Variants in FCRL2 observed in about 807,000 individuals in gnomAD.
The protein encoded by FCRL2 is Fc receptor-like protein 2.
Under a neutral mutation model 59.8 loss-of-function variants are expected in FCRL2, and 48 were observed. That is an observed-to-expected ratio of 0.80 (90% CI 0.64 to 1.02). The LOEUF (loss-of-function observed/expected upper bound fraction) is 1.02, where lower values mean the gene tolerates loss of function less well. Ranked by LOEUF, FCRL2 falls within the 50% of genes least tolerant of loss-of-function variation. The pLI is 0.00. For missense variants in FCRL2, 658 were observed against 597.3 expected, an observed-to-expected ratio of 1.10 and a Z score of -1.06; for synonymous variants, 251 against 229.5, an observed-to-expected ratio of 1.09 and a Z score of -0.85.
In FCRL2 at chr1:157,769,931, C is replaced by T. The variant is rs1649859412; in HGVS notation, c.530G>A (p.Cys177Tyr). Residue 177 changes from cysteine (C) to tyrosine (Y), a missense_variant, in exon 4 of 12, where the codon TGC becomes TAC. Coordinates refer to ENST00000361516, the MANE Select transcript of FCRL2 (RefSeq NM_030764.4). ...CCTGTGAGTCACCGTTTCTGCCTTG[C>T]ACCAGTAAGACCCTGTGTCTTCACT... Reference protein sequence around the residue: ...VWSEDTGSYWCKAETVTHRIR... With the variant: ...VWSEDTGSYWYKAETVTHRIR... The T allele has an allele frequency of 6.2e-7, 1 of 1,614,078 alleles. No homozygotes were observed. The highest frequency in any genetic ancestry group is 1.7e-5 in the Admixed American group (1 of 60,012).
intron 7 of FCRL2, among the ~76,000 whole-genome samples, chr1:157,760,647 G>GA (rs1305582130): frequency 1.5e-5 from 2 of 131,548 alleles, no homozygotes; most frequent in African/African-American, 6.3e-5. Context: ...AGAAAAGAAA[G>GA]AAAGAAAGAA....
At chr1:157,748,701 T>G (rs1395743308) in intron 9 of FCRL2, 83 bp from the exon 10 acceptor site, 3 of 1,284,074 alleles carry the variant, frequency 2.3e-6, no homozygotes, top group Non-Finnish European at 3.4e-6. Flanking sequence ...CCTGGCTTAA[T>G]GATTATATCC....
At chr1:157,763,589 T>G (rs12086811) in intron 7 of FCRL2, among the ~76,000 whole-genome samples, 33,506 of 152,126 alleles carry the variant, frequency 0.22, 3,784 homozygotes, top group Non-Finnish European at 0.24. Flanking sequence ...TTAAAAATGT[T>G]GCCCAACTCT....
In FCRL2 at chr1:157,746,484, G is replaced by A. The variant is rs1647754325; in HGVS notation, c.*252C>T. 1.8e-6 allele frequency: 1 copy of A among 556,832 alleles called. No homozygotes were observed. The highest frequency in any genetic ancestry group is 1.9e-5 in the African/African-American group (1 of 53,090). The allele number at this position is 556,832 out of a possible 1,614,324, so 34.5% of individuals were successfully genotyped here. ...TCCCTCAAATCTTTACACACTGATT[G>A]CTTAAGAGAAGGTAGCAGAAATAAT... is the stretch of plus-strand genomic sequence containing the variant. On this transcript the variant is annotated 3_prime_UTR_variant, in exon 12 of 12. Transcript: ENST00000361516.
At chr1:157,768,855 A>T in intron 4 of FCRL2, 154 bp from the exon 5 acceptor site, 1 of 747,192 alleles carries the variant, frequency 1.3e-6, no homozygotes, top group Non-Finnish European at 2.1e-6. Context: ...ATCTATAACA[A>T]TTATCCTTCA....
chr1:157,756,880 C>T (rs769314873), intron 7 of FCRL2, among the ~76,000 whole-genome samples: 10 of 152,130 alleles, frequency 6.6e-5, no homozygotes, highest in Non-Finnish European at 1.2e-4. Context: ...AATTCCACAA[C>T]GTATACTTAT....
intron 7 of FCRL2, among the ~76,000 whole-genome samples, chr1:157,764,682 G>A (rs531350729): frequency 5.3e-5 from 8 of 152,186 alleles, no homozygotes; most frequent in South Asian, 4.1e-4. Context: ...TTTGAAAACC[G>A]TACAAATAAG....
At position 157,758,680 on chromosome 1, in the gene FCRL2, C is replaced by CAA. The variant is rs59716565; in HGVS notation, c.1279+8173_1279+8174dup. Among the ~76,000 whole-genome samples, 353 of 55,380 alleles carry CAA rather than the reference C, an allele frequency of 6.4e-3. 8 individuals are homozygous for CAA. The highest frequency in any genetic ancestry group is 8.9e-3 in the African/African-American group (131 of 14,750). 36.3% of individuals were successfully genotyped at this position (55,380 alleles called of 152,430 possible). ...CCCAAATAGCCAAAGCAGTCCCAAG[C>CAA]AAAAAAAAAAAAAAAAAAAAAACAA... is the stretch of plus-strand genomic sequence containing the variant. On this transcript the variant is annotated intron_variant, in intron 7 of 11. Transcript: ENST00000361516.
intron 6 of FCRL2, 33 bp from the exon 7 acceptor site, chr1:157,767,004 G>T (rs1380906416): frequency 1.9e-6 from 3 of 1,572,444 alleles, no homozygotes; most frequent in Non-Finnish European, 2.6e-6. Flanking sequence ...CAGCCCCAGA[G>T]GTTTAAGACT....
intron 7 of FCRL2, among the ~76,000 whole-genome samples, chr1:157,750,848 A>G (rs1260415756): frequency 2.0e-5 from 3 of 152,218 alleles, no homozygotes; most frequent in Non-Finnish European, 4.4e-5. Context: ...CTTCAAAAAT[A>G]GTTCTACTAT....
intron 7 of FCRL2, among the ~76,000 whole-genome samples, chr1:157,763,663 G>GA (rs1346064495): frequency 6.6e-6 from 1 of 152,080 alleles, no homozygotes; most frequent in African/African-American, 2.4e-5. Context: ...TAAAAGGATG[G>GA]AAAAAAATAG....
At chr1:157,751,939 A>G (rs1248983497) in intron 7 of FCRL2, among the ~76,000 whole-genome samples, 10 of 152,234 alleles carry the variant, frequency 6.6e-5, no homozygotes, top group Admixed American at 5.9e-4. Context: ...GAGGAAATCA[A>G]TGCCAGCCAT....
At chr1:157,758,240 G>T (rs1648751992) in intron 7 of FCRL2, among the ~76,000 whole-genome samples, 1 of 152,148 alleles carries the variant, frequency 6.6e-6, no homozygotes, top group Non-Finnish European at 1.5e-5. Flanking sequence ...TGAGGCAGGA[G>T]GCTCTGTAAA....
At chr1:157,754,209 T>C (rs1314187976) in intron 7 of FCRL2, among the ~76,000 whole-genome samples, 2 of 152,030 alleles carry the variant, frequency 1.3e-5, no homozygotes, top group Admixed American at 6.6e-5. Flanking sequence ...CGGCACAAGA[T>C]ACAGGTCATA....
At chr1:157,753,982 A>G (rs1648393625) in intron 7 of FCRL2, among the ~76,000 whole-genome samples, 1 of 152,222 alleles carries the variant, frequency 6.6e-6, no homozygotes, top group Admixed American at 6.5e-5. Context: ...TAAAAAAGAT[A>G]ATTAAATAAA....
At chr1:157,772,277 C>T (rs956897206) in intron 2 of FCRL2, among the ~76,000 whole-genome samples, 1 of 152,058 alleles carries the variant, frequency 6.6e-6, no homozygotes, top group Non-Finnish European at 1.5e-5. Context: ...TTGCAAAGGG[C>T]ATGACAGGCA....
Position 157,770,241 on chromosome 1 carries a change from G to T in FCRL2, c.311-91C>A. On this transcript the variant is annotated intron_variant, in intron 3 of 11. Transcript: ENST00000361516. ...GGCAAGAAGCAACCCCAGCAAACAG[G>T]ACATTCAGAGCTAGACACCTCTCAC... 1.1e-5 allele frequency: 16 copies of T among 1,500,634 alleles called. No individual in the cohort carries two copies. The South Asian group carries it at 2.0e-4, about 19-fold the overall frequency. The allele number at this position is 1,500,634 out of a possible 1,614,324, so 93.0% of individuals were successfully genotyped here.
rs539031636 is a variant in FCRL2 at position 157,749,061 on chromosome 1, T to A, written c.1308-101A>T. On this transcript the variant is annotated intron_variant, in intron 8 of 11. Coordinates refer to ENST00000361516, the MANE Select transcript of FCRL2 (RefSeq NM_030764.4). Reference sequence around the variant, plus strand: ...AGAGCAGGTGGAAGCCCTGCAGCCATGGCTCTCTGCTTGGGTGATTTTATG... The same window carrying A: ...AGAGCAGGTGGAAGCCCTGCAGCCAAGGCTCTCTGCTTGGGTGATTTTATG... 3.1e-6 allele frequency: 3 copies of A among 971,588 alleles called. No individual in the cohort carries two copies. In the East Asian group the frequency reaches 7.3e-5, roughly 24 times the overall value. The allele number at this position is 971,588 out of a possible 1,614,324, so 60.2% of individuals were successfully genotyped here.
rs1414656092 is a variant in FCRL2 at position 157,775,781 on chromosome 1, G to A, written c.46C>T (p.Gln16Ter). The A allele has an allele frequency of 1.2e-6, 2 of 1,613,942 alleles. No individual in the cohort carries two copies. Among genetic ancestry groups the A allele is most frequent in the Non-Finnish European group, 1.7e-6 (2 of 1,179,966 alleles). Residue 16 changes from glutamine to a stop codon, truncating the protein, a stop_gained, in exon 2 of 12, where the codon CAG (glutamine) becomes TAG (stop). Transcript: ENST00000361516. LOFTEE classifies it high-confidence loss of function. Reference protein sequence around the residue: ...LLVIFDAVTEQADSLTLVAPS... With the variant: ...LLVIFDAVTE ...AAAGACAAGGAGGACTCACCTGCCT[G>A]TTCAGTGACTGCATCTGTGAGGAGA...
Sources: gnomAD v4.1 joint callset for allele counts (sites outside exome capture counted in the v4.1 genomes callset) on GRCh38, gnomAD v4.1.1 for gene constraint, MANE v1.5 for transcripts, NCBI Gene and HGNC (gene_info 2026-07-23, HGNC 2026-07-21) for gene names.